SND1: variants seen among roughly 807,000 people sequenced by gnomAD.
SND1 encodes staphylococcal nuclease and tudor domain containing 1.
In SND1, 38 loss-of-function variants were observed where a neutral mutation model predicts 121.7. The observed-to-expected ratio is 0.31, with a 90% CI of 0.24 to 0.41. SND1 has a LOEUF of 0.41. SND1 is among the 10% of genes least tolerant of loss of function. The probability of loss-of-function intolerance (pLI) is 1.00; values close to 1 mark genes in which losing one functional copy is unlikely to be tolerated. For missense variants in SND1, 868 were observed against 1,184.6 expected (o/e 0.73, Z 3.92); for synonymous variants, 401 against 447.4 (o/e 0.90, Z 1.31).
intron 10 of SND1, among the ~76,000 whole-genome samples, chr7:127,748,640 C>T (rs575571391): frequency 6.9e-4 from 105 of 152,228 alleles, no homozygotes; most frequent in Non-Finnish European, 1.1e-3. Flanking sequence ...GAAGAAAATA[C>T]GCATTAGAAA....
intron 14 of SND1, among the ~76,000 whole-genome samples, chr7:127,925,132 C>T (rs1800803280): frequency 6.6e-6 from 1 of 152,164 alleles, no homozygotes; most frequent in Admixed American, 6.5e-5. Flanking sequence ...TAAAGAGATG[C>T]CATCCACAAT....
intron 13 of SND1, among the ~76,000 whole-genome samples, chr7:127,900,811 C>G (rs1479532883): frequency 6.6e-6 from 1 of 152,186 alleles, no homozygotes; most frequent in Non-Finnish European, 1.5e-5. Context: ...CAGTTATTGA[C>G]ACTGGTAGTC....
chr7:127,716,511 GTTTATTA>G (rs1796393690), intron 9 of SND1, among the ~76,000 whole-genome samples: 1 of 145,040 alleles, frequency 6.9e-6, no homozygotes, highest in African/African-American at 2.5e-5. Context: ...TTTTTGGATT[GTTTATTA>G]TTTATAGAAA....
intron 16 of SND1, among the ~76,000 whole-genome samples, chr7:128,072,591 G>A (rs931604301): frequency 1.3e-5 from 2 of 152,168 alleles, no homozygotes; most frequent in African/African-American, 4.8e-5. Flanking sequence ...ATAAAGCTTG[G>A]CAAGTTAAGA....
At position 128,052,607 on chromosome 7, in the gene SND1, C is replaced by T. The variant is rs920394106; in HGVS notation, c.1780-21895C>T. Among the ~76,000 whole-genome samples the T allele has an allele frequency of 1.3e-5, 2 of 152,212 alleles. No individual in the cohort carries two copies. The highest frequency in any genetic ancestry group is 6.5e-5 in the Admixed American group (1 of 15,282). On this transcript the variant is annotated intron_variant, in intron 16 of 23. Transcript: ENST00000354725. The surrounding 1 kb of genome is among the most constrained non-coding windows in gnomAD (Gnocchi z 4.6). ...CTGCATGCTCACACCGCAGCCTGAT[C>T]GATGCCTGTCAGAGCTCAGCATCAG...
At chr7:127,897,821 G>GGTACTTAACGGT (rs1222569809) in intron 13 of SND1, among the ~76,000 whole-genome samples, 5 of 152,010 alleles carry the variant, frequency 3.3e-5, no homozygotes. Flanking sequence ...TATTAAAAGT[G>GGTACTTAACGGT]GTACTTAAAC....
chr7:127,790,035 T>C (rs1797881482), intron 10 of SND1, among the ~76,000 whole-genome samples: 1 of 152,224 alleles, frequency 6.6e-6, no homozygotes, highest in South Asian at 2.1e-4. Flanking sequence ...TGTTTGTTTG[T>C]TTGTTTGTTT....
At chr7:127,687,833 G>T (rs923988117) in intron 2 of SND1, among the ~76,000 whole-genome samples, 6 of 152,096 alleles carry the variant, frequency 3.9e-5, no homozygotes, top group African/African-American at 1.4e-4. Context: ...CTACAGGCAT[G>T]TGCTATCATA....
intron 12 of SND1, among the ~76,000 whole-genome samples, chr7:127,880,459 T>G (rs1799769228): frequency 6.6e-6 from 1 of 152,160 alleles, no homozygotes; most frequent in Admixed American, 6.5e-5. Context: ...TTAATTATAT[T>G]TCATTTCTTT....
chr7:128,026,047 T>G (rs1475025912), intron 16 of SND1, among the ~76,000 whole-genome samples: 1 of 152,000 alleles, frequency 6.6e-6, no homozygotes, highest in African/African-American at 2.4e-5. Context: ...GTTAGGAAAT[T>G]GGCTCCTCAT....
chr7:127,702,605 C>G, intron 6 of SND1, 79 bp downstream of exon 6: 1 of 1,152,996 alleles, frequency 8.7e-7, no homozygotes, highest in Non-Finnish European at 1.3e-6. Context: ...TTGGGGACTT[C>G]GGATCTGCTG....
At chr7:127,745,246 G>T (rs981138342) in intron 10 of SND1, among the ~76,000 whole-genome samples, 4 of 152,160 alleles carry the variant, frequency 2.6e-5, no homozygotes, top group African/African-American at 9.7e-5. Flanking sequence ...GTTGCTCCAG[G>T]CTGTAAACCT....
At chr7:127,874,163 ACT>A (rs1412917219) in intron 12 of SND1, among the ~76,000 whole-genome samples, 3 of 151,852 alleles carry the variant, frequency 2.0e-5, no homozygotes. Context: ...ATAGGCAGAG[ACT>A]CTGTCATGTG....
chr7:128,023,355 T>C (rs538810404), intron 16 of SND1, among the ~76,000 whole-genome samples: 2 of 152,296 alleles, frequency 1.3e-5, no homozygotes, highest in Admixed American at 6.5e-5. Flanking sequence ...ATCACTGACC[T>C]GAGTAATAAG....
At chr7:127,830,117 T>C (rs1452397999) in intron 11 of SND1, among the ~76,000 whole-genome samples, 1 of 151,994 alleles carries the variant, frequency 6.6e-6, no homozygotes, top group Non-Finnish European at 1.5e-5. Flanking sequence ...GTGCGGTGGC[T>C]CATGCCTGTA....
At chr7:127,834,359 C>A (rs1190916816) in intron 11 of SND1, among the ~76,000 whole-genome samples, 1 of 152,230 alleles carries the variant, frequency 6.6e-6, no homozygotes, top group East Asian at 1.9e-4. Context: ...GAATTATCCT[C>A]CACTGGTAAC....
At chr7:128,028,591 C>A in intron 16 of SND1, 1 of 1,250,226 alleles carries the variant, frequency 8.0e-7, no homozygotes, top group Non-Finnish European at 1.1e-6. Context: ...TAAGCATATA[C>A]AAGAAAAAGT....
intron 14 of SND1, among the ~76,000 whole-genome samples, chr7:127,922,313 T>G (rs1460839246): frequency 6.6e-6 from 1 of 151,314 alleles, no homozygotes; most frequent in Non-Finnish European, 1.5e-5. Context: ...CCACCGTGCC[T>G]GGCTCAGACC....
At chr7:127,928,797 G>A (rs947895087) in intron 14 of SND1, among the ~76,000 whole-genome samples, 2 of 151,998 alleles carry the variant, frequency 1.3e-5, no homozygotes, top group South Asian at 4.1e-4. Flanking sequence ...TGCCATGTTG[G>A]CCAGGATGGT....
Sources: allele counts gnomAD v4.1 joint callset (sites outside exome capture counted in the v4.1 genomes callset), GRCh38; gene constraint gnomAD v4.1.1; non-coding constraint Gnocchi (gnomAD v3.1); transcripts MANE v1.5; gene names NCBI Gene and HGNC (gene_info 2026-07-23, HGNC 2026-07-21).